Variants in IQGAP2 observed in about 807,000 individuals in gnomAD.
IQGAP2 encodes the protein ras GTPase-activating-like protein IQGAP2.
IQGAP2 carries 173 observed loss-of-function variants against 201.3 expected under a neutral mutation model. The ratio of observed to expected loss-of-function variants is 0.86; its 90% CI spans 0.76 to 0.98. The LOEUF (loss-of-function observed/expected upper bound fraction) is 0.98. Among genes scored for constraint, IQGAP2 ranks in the 50% least tolerant of loss-of-function variants. IQGAP2 has a pLI of 0.00. For synonymous variants in IQGAP2, 675 were observed against 673.9 expected (o/e 1.00, Z -0.03); for missense variants, 1,687 against 1,864.8 (o/e 0.90, Z 1.76).
chr5:76,472,421 T>C (rs1171151111), intron 2 of IQGAP2, among the ~76,000 whole-genome samples: 1 of 152,170 alleles, frequency 6.6e-6, no homozygotes, highest in East Asian at 1.9e-4. Flanking sequence ...GGGATTATGC[T>C]GTGGAGCTAG....
Position 76,403,337 on chromosome 5 carries a change from T to G in IQGAP2, c.-209T>G. On this transcript the variant is annotated 5_prime_UTR_variant, in exon 1 of 36. Transcript: ENST00000274364. This position sits in a 1 kb window ranked among gnomAD's most constrained non-coding sequence, Gnocchi z 4.8. ...CGGCCAGGGAGCGAGGGAGGAGAGT[T>G]CACTTTTACTTCAGTGTCAGCGCGC... The G allele has an allele frequency of 2.5e-6, 1 of 392,202 alleles. No homozygotes were observed. The highest frequency in any genetic ancestry group is 3.9e-5 in the East Asian group (1 of 25,324). The allele number at this position is 392,202 out of a possible 1,614,324, so 24.3% of individuals were successfully genotyped here. A position where few individuals can be genotyped will look rare whatever the true frequency, so the allele number is the denominator to read the frequency against.
chr5:76,436,375 A>C (rs1752647400), intron 1 of IQGAP2, among the ~76,000 whole-genome samples: 1 of 147,310 alleles, frequency 6.8e-6, no homozygotes, highest in South Asian at 2.2e-4. Context: ...GACTTTTATT[A>C]TTTTGAGATA....
intron 1 of IQGAP2, among the ~76,000 whole-genome samples, chr5:76,423,346 G>A (rs1278342595): frequency 1.3e-5 from 2 of 152,164 alleles, no homozygotes; most frequent in East Asian, 3.9e-4. Context: ...TGGTCGACCG[G>A]GCTTGGTGGC....
chr5:76,565,603 A>T (rs747135539), intron 3 of IQGAP2, among the ~76,000 whole-genome samples: 2 of 152,152 alleles, frequency 1.3e-5, no homozygotes, highest in Non-Finnish European at 2.9e-5. Flanking sequence ...GCCATAGTGT[A>T]TTGTAAAGTG....
chr5:76,609,403 A>T (rs1748076377), intron 12 of IQGAP2, among the ~76,000 whole-genome samples: 1 of 152,202 alleles, frequency 6.6e-6, no homozygotes, highest in African/African-American at 2.4e-5. Flanking sequence ...CACATTAGAG[A>T]AATACTTCTG....
At chr5:76,428,157 G>A (rs1023046164) in intron 1 of IQGAP2, among the ~76,000 whole-genome samples, 9 of 152,120 alleles carry the variant, frequency 5.9e-5, no homozygotes, top group South Asian at 2.1e-4. Context: ...ACAGAGGAGC[G>A]CCAGCCCCTC....
intron 2 of IQGAP2, among the ~76,000 whole-genome samples, chr5:76,473,359 G>A (rs1755229506): frequency 6.6e-6 from 1 of 151,024 alleles, no homozygotes; most frequent in African/African-American, 2.4e-5. Context: ...TTTTTCCTGT[G>A]AACTGTTTCT....
intron 2 of IQGAP2, among the ~76,000 whole-genome samples, chr5:76,506,785 G>T (rs1757628055): frequency 6.6e-6 from 1 of 152,114 alleles, no homozygotes; most frequent in Non-Finnish European, 1.5e-5. Context: ...CCCCAAAAAT[G>T]AAATACTCAG....
intron 13 of IQGAP2, among the ~76,000 whole-genome samples, chr5:76,613,755 C>T (rs925960413): frequency 2.6e-5 from 4 of 151,734 alleles, no homozygotes; most frequent in Non-Finnish European, 4.4e-5. Flanking sequence ...AGTGCCGTGG[C>T]GCCATATCAG....
In IQGAP2 at chr5:76,701,207, C is replaced by G. The variant is rs1248004676; in HGVS notation, c.4499C>G (p.Thr1500Arg). 3.1e-6 allele frequency: 5 copies of G among 1,613,978 alleles called. No homozygotes were observed. In the Admixed American group the frequency reaches 8.3e-5, roughly 27 times the overall value. Residue 1500 changes from threonine to arginine, a missense_variant, in exon 34 of 36, where the codon ACA (threonine) becomes AGA (arginine). By Grantham distance (71) the Thr-to-Arg change is moderately conservative. Transcript: ENST00000274364. ...GVLLDIDDLQTNQFKNVTFDI... is the reference protein window; with the variant it reads ...GVLLDIDDLQRNQFKNVTFDI... ...CTGCTAGATATAGATGATCTTCAAA[C>G]AAACCAGTAAGTGTGACCTGGAATC...
chr5:76,482,354 G>T (rs1009898592), intron 2 of IQGAP2, among the ~76,000 whole-genome samples: 1 of 152,182 alleles, frequency 6.6e-6, no homozygotes, highest in African/African-American at 2.4e-5. Flanking sequence ...TTGGTCAGTA[G>T]GTGTCTCTGA....
At chr5:76,619,217 G>A (rs2069679) in intron 13 of IQGAP2, among the ~76,000 whole-genome samples, 34 of 152,260 alleles carry the variant, frequency 2.2e-4, no homozygotes, top group South Asian at 8.3e-4. Context: ...AATGCTACTC[G>A]TGGAGAAGAT....
chr5:76,627,454 GC>G lies in IQGAP2; in HGVS notation c.1567del (p.Gln523LysfsTer39). On this transcript the variant is annotated frameshift_variant, in exon 14 of 36. Coordinates refer to ENST00000274364, the MANE Select transcript of IQGAP2 (RefSeq NM_006633.5). LOFTEE classifies it high-confidence loss of function. ...SKVLWLDEIQ[Q>X]AVDDANVDKD... Reference sequence around the variant, plus strand: ...AAGTGCTTTGGCTGGATGAGATACAGCAAGCCGTCGATGATGCCAACGTGGA... The same window carrying G: ...AAGTGCTTTGGCTGGATGAGATACAGAAGCCGTCGATGATGCCAACGTGGA... The G allele has an allele frequency of 6.2e-7, 1 of 1,603,642 alleles. No homozygotes were observed. Among genetic ancestry groups the G allele is most frequent in the Non-Finnish European group, 8.5e-7 (1 of 1,170,562 alleles).
chr5:76,609,175 T>C, intron 12 of IQGAP2: 1 of 1,535,982 alleles, frequency 6.5e-7, no homozygotes, highest in Non-Finnish European at 8.7e-7. Context: ...TGCACTCACT[T>C]CCAGGTGATC....
chr5:76,502,809 T>C (rs6879377), intron 2 of IQGAP2, among the ~76,000 whole-genome samples: 12,799 of 152,172 alleles, frequency 0.084, 1,835 homozygotes, highest in African/African-American at 0.29. Flanking sequence ...AGTCATAGCT[T>C]GCTGCAGCCT....
intron 27 of IQGAP2, among the ~76,000 whole-genome samples, chr5:76,676,280 T>C (rs1181876456): frequency 6.6e-6 from 1 of 152,206 alleles, no homozygotes; most frequent in African/African-American, 2.4e-5. Flanking sequence ...ATTTATCCTT[T>C]GTGTTTCTCA....
At chr5:76,462,452 TAA>T (rs929342211) in intron 2 of IQGAP2, among the ~76,000 whole-genome samples, 1 of 152,214 alleles carries the variant, frequency 6.6e-6, no homozygotes, top group Non-Finnish European at 1.5e-5. Context: ...AAAGTGAAGA[TAA>T]AGAGTCCTAA....
intron 10 of IQGAP2, among the ~76,000 whole-genome samples, chr5:76,600,189 C>A (rs1305182573): frequency 1.3e-5 from 2 of 152,080 alleles, no homozygotes; most frequent in Non-Finnish European, 2.9e-5. Flanking sequence ...CCAAACCAAA[C>A]AAAAAAACCT....
intron 1 of IQGAP2, among the ~76,000 whole-genome samples, chr5:76,417,906 T>C (rs757502525): frequency 1.7e-4 from 26 of 151,116 alleles, no homozygotes; most frequent in Non-Finnish European, 3.4e-4. Flanking sequence ...TTTGAAACGG[T>C]GTTTGAAATG....
Sources: allele counts gnomAD v4.1 joint callset (sites outside exome capture counted in the v4.1 genomes callset), GRCh38; gene constraint gnomAD v4.1.1; non-coding constraint Gnocchi (gnomAD v3.1); transcripts MANE v1.5; gene names NCBI Gene and HGNC (gene_info 2026-07-23, HGNC 2026-07-21).